CPED1: variants seen among roughly 807,000 people sequenced by gnomAD.
The protein encoded by CPED1 is cadherin like and PC-esterase domain containing 1.
In CPED1, 114 loss-of-function variants were observed where a neutral mutation model predicts 128.2. That is an observed-to-expected ratio of 0.89 (90% CI 0.76 to 1.04). The LOEUF (loss-of-function observed/expected upper bound fraction) is 1.04, where lower values mean the gene tolerates loss of function less well. Ranked by LOEUF, CPED1 falls within the 50% of genes least tolerant of loss-of-function variation. The pLI, the probability that CPED1 is intolerant of heterozygous loss-of-function variation, is 0.00. For synonymous variants in CPED1, 462 were observed against 426.7 expected (o/e 1.08, Z -1.02); for missense variants, 1,211 against 1,207.1 (o/e 1.00, Z -0.05).
intron 16 of CPED1, among the ~76,000 whole-genome samples, chr7:121,191,198 CCG>C (rs1797129744): frequency 6.6e-6 from 1 of 152,078 alleles, no homozygotes; most frequent in African/African-American, 2.4e-5. Flanking sequence ...AGAATATAAA[CCG>C]CAATCCAAAC....
chr7:121,142,585 A>G (rs12112058), intron 16 of CPED1, among the ~76,000 whole-genome samples: 66,834 of 151,728 alleles, frequency 0.44, 15,974 homozygotes, highest in East Asian at 0.84. Context: ...ATGAAACTAA[A>G]TTTGCTTGGG....
chr7:121,206,804 T>TA (rs969293576), intron 16 of CPED1, among the ~76,000 whole-genome samples: 6 of 151,612 alleles, frequency 4.0e-5, no homozygotes, highest in East Asian at 1.9e-4. Context: ...TCCCACCACT[T>TA]AAAAAAAACA....
chr7:121,190,286 G>A (rs1305691656), intron 16 of CPED1, among the ~76,000 whole-genome samples: 2 of 149,980 alleles, frequency 1.3e-5, no homozygotes, highest in Non-Finnish European at 3.0e-5. Context: ...CCTGGGGTGT[G>A]CACATGCTGG....
At chr7:121,030,642 T>C (rs1192964180) in intron 3 of CPED1, among the ~76,000 whole-genome samples, 1 of 152,236 alleles carries the variant, frequency 6.6e-6, no homozygotes, top group Non-Finnish European at 1.5e-5. Flanking sequence ...GCAAGAGTAG[T>C]GATGCTAGTA....
At chr7:121,215,829 A>G (rs1202153579) in intron 16 of CPED1, among the ~76,000 whole-genome samples, 1 of 152,064 alleles carries the variant, frequency 6.6e-6, no homozygotes, top group Non-Finnish European at 1.5e-5. Context: ...TTTTAAAAAG[A>G]TGTCTTACAT....
At chr7:121,047,653 T>C (rs142518451) in intron 4 of CPED1, among the ~76,000 whole-genome samples, 401 of 4,994 alleles carry the variant, frequency 0.08, 9 homozygotes, top group African/African-American at 0.13. Context: ...ACCTTTCTTC[T>C]TCTTCTTCTT....
At chr7:121,294,806 C>CAAAAAAAAAAAAAAAAAAAAAAAA (rs752742828) in intron 22 of CPED1, among the ~76,000 whole-genome samples, 46 of 61,368 alleles carry the variant, frequency 7.5e-4, no homozygotes, top group South Asian at 5.1e-3. Flanking sequence ...GCCTTCTAAG[C>CAAAAAAAAAAAAAAAAAAAAAAAA]AAAAAAAAAA....
chr7:121,044,065 G>A (rs1336563706), intron 3 of CPED1, among the ~76,000 whole-genome samples: 1 of 152,124 alleles, frequency 6.6e-6, no homozygotes, highest in Non-Finnish European at 1.5e-5. Context: ...ACTTCTCAAT[G>A]TGATTTACTT....
chr7:121,275,347 G>A (rs1178423886), intron 22 of CPED1, among the ~76,000 whole-genome samples: 1 of 151,986 alleles, frequency 6.6e-6, no homozygotes, highest in Non-Finnish European at 1.5e-5. Flanking sequence ...TAGAAAAGCA[G>A]GTGTTTCTTT....
chr7:121,007,720 T>A (rs1428916871), intron 2 of CPED1, among the ~76,000 whole-genome samples: 1 of 152,220 alleles, frequency 6.6e-6, no homozygotes, highest in Admixed American at 6.5e-5. Context: ...TTCTCTCCAA[T>A]ACTGGAATGT....
chr7:121,258,816 A>G (rs1791947299), intron 18 of CPED1, among the ~76,000 whole-genome samples: 1 of 152,070 alleles, frequency 6.6e-6, no homozygotes, highest in Non-Finnish European at 1.5e-5. Flanking sequence ...CGAATTTTTA[A>G]CAGTGAGAAT....
chr7:121,072,513 A>G (rs941902111), intron 5 of CPED1, among the ~76,000 whole-genome samples: 1 of 152,156 alleles, frequency 6.6e-6, no homozygotes, highest in Non-Finnish European at 1.5e-5. Context: ...TCAATTCAGT[A>G]TGGGTAGAGG....
chr7:121,181,740 G>T (rs955896144), intron 16 of CPED1, among the ~76,000 whole-genome samples: 2 of 152,016 alleles, frequency 1.3e-5, no homozygotes, highest in African/African-American at 4.8e-5. Flanking sequence ...TATGAGAAAG[G>T]TTCAATTATT....
Position 121,015,687 on chromosome 7 carries a change from A to C in CPED1, c.272A>C (p.His91Pro), listed in dbSNP as rs766622545. 6.2e-7 allele frequency: 1 copy of C among 1,600,780 alleles called. No individual in the cohort carries two copies. The highest frequency in any genetic ancestry group is 8.5e-7 in the Non-Finnish European group (1 of 1,175,938). The change falls in exon 3 of 23, where the codon CAC becomes CCC. Residue 91 changes from histidine (H) to proline (P), a missense_variant. Physicochemically the swap from His to Pro is moderately conservative, Grantham distance 77. Transcript: ENST00000310396. ...TRKVKESMET[H>P]FGSHGRRAIL... ...TAGGTCAAAGAATCAATGGAGACACACTTTGGCAGCCATGGCCGAAGGGCC... is the reference window on the plus strand; with the variant it reads ...TAGGTCAAAGAATCAATGGAGACACCCTTTGGCAGCCATGGCCGAAGGGCC...
At chr7:121,265,528 C>A (rs1358939723) in intron 18 of CPED1, among the ~76,000 whole-genome samples, 1 of 152,042 alleles carries the variant, frequency 6.6e-6, no homozygotes, top group Non-Finnish European at 1.5e-5. Flanking sequence ...ATAGCCAGAA[C>A]TAGACATTTG....
intron 5 of CPED1, among the ~76,000 whole-genome samples, chr7:121,069,822 A>G (rs181131864): frequency 6.6e-6 from 1 of 152,272 alleles, no homozygotes; most frequent in African/African-American, 2.4e-5. Flanking sequence ...ACATAAGAGA[A>G]CTGTTTTGCT....
chr7:121,223,490 T>C (rs188255268), intron 16 of CPED1, among the ~76,000 whole-genome samples: 283 of 152,278 alleles, frequency 1.9e-3, no homozygotes, highest in South Asian at 7.3e-3. Context: ...TTAGGGAGGA[T>C]TCTCTCTTTT....
chr7:121,100,559 A>G (rs1794823897), intron 7 of CPED1, among the ~76,000 whole-genome samples: 1 of 152,182 alleles, frequency 6.6e-6, no homozygotes, highest in Non-Finnish European at 1.5e-5. Context: ...TGTGCCTAAT[A>G]TAGCAAGCTA....
At chr7:121,244,897 T>TG (rs1798489027) in intron 18 of CPED1, among the ~76,000 whole-genome samples, 1 of 152,222 alleles carries the variant, frequency 6.6e-6, no homozygotes, top group Non-Finnish European at 1.5e-5. Context: ...TCTAAGCTGA[T>TG]TTCTGGGACA....
Sources: gnomAD v4.1 joint callset for allele counts (sites outside exome capture counted in the v4.1 genomes callset) on GRCh38, gnomAD v4.1.1 for gene constraint, MANE v1.5 for transcripts, NCBI Gene and HGNC (gene_info 2026-07-23, HGNC 2026-07-21) for gene names.